Variants in SMYD3 observed in about 807,000 individuals in gnomAD.
SMYD3 encodes the protein SET and MYND domain containing 3.
SMYD3 carries 36 observed loss-of-function variants against 57.7 expected under a neutral mutation model. That is an observed-to-expected ratio of 0.62 (90% CI 0.48 to 0.82). The LOEUF (loss-of-function observed/expected upper bound fraction) is 0.82, where lower values mean the gene tolerates loss of function less well. Ranked by LOEUF, SMYD3 falls within the 40% of genes least tolerant of loss-of-function variation. The pLI, the probability that SMYD3 is intolerant of heterozygous loss-of-function variation, is 0.00. For missense variants in SMYD3, 515 were observed against 538.8 expected (o/e 0.96, Z 0.44); for synonymous variants, 211 against 195.0 (o/e 1.08, Z -0.68).
intron 2 of SMYD3, among the ~76,000 whole-genome samples, chr1:246,344,153 G>A (rs1230061444): frequency 6.6e-6 from 1 of 151,964 alleles, no homozygotes; most frequent in Non-Finnish European, 1.5e-5. Context: ...AAAGTGCTGG[G>A]ATTACATGCA....
chr1:246,136,866 T>C (rs1339283928), intron 5 of SMYD3, among the ~76,000 whole-genome samples: 1 of 152,222 alleles, frequency 6.6e-6, no homozygotes, highest in Non-Finnish European at 1.5e-5. Flanking sequence ...AGACATTTCT[T>C]AGACTTCTGC....
chr1:246,294,090 G>A (rs1480758382), intron 5 of SMYD3, among the ~76,000 whole-genome samples: 1 of 151,980 alleles, frequency 6.6e-6, no homozygotes, highest in East Asian at 1.9e-4. Context: ...CCCCTTAAAT[G>A]TTCCTGTTCC....
intron 5 of SMYD3, among the ~76,000 whole-genome samples, chr1:246,097,723 G>T (rs1397553472): frequency 6.6e-6 from 1 of 151,912 alleles, no homozygotes; most frequent in Non-Finnish European, 1.5e-5. Flanking sequence ...CTCAGACTTG[G>T]ATATCTACCT....
At chr1:246,480,345 T>C (rs1397154522) in intron 1 of SMYD3, among the ~76,000 whole-genome samples, 1 of 152,228 alleles carries the variant, frequency 6.6e-6, no homozygotes, top group Admixed American at 6.5e-5. Context: ...ACTCCATGTG[T>C]GAGTTTCTGT....
At chr1:245,856,047 T>G (rs1230751497) in intron 10 of SMYD3, among the ~76,000 whole-genome samples, 1 of 152,240 alleles carries the variant, frequency 6.6e-6, no homozygotes, top group Non-Finnish European at 1.5e-5. Context: ...GAGCACTCAG[T>G]GTGAATTCCC....
At chr1:245,814,361 C>G (rs2048667006) in intron 10 of SMYD3, 1 of 984,578 alleles carries the variant, frequency 1.0e-6, no homozygotes, top group Non-Finnish European at 1.2e-6. Flanking sequence ...CACCAGGAAT[C>G]AGGACAGATA....
At chr1:245,781,913 G>C (rs192053629) in intron 10 of SMYD3, among the ~76,000 whole-genome samples, 1 of 152,228 alleles carries the variant, frequency 6.6e-6, no homozygotes, top group South Asian at 2.1e-4. Context: ...AAGTTATAGC[G>C]AGACAAGATT....
At chr1:246,232,405 T>C (rs2063422816) in intron 5 of SMYD3, among the ~76,000 whole-genome samples, 1 of 151,994 alleles carries the variant, frequency 6.6e-6, no homozygotes. Context: ...CTGCTCCCTT[T>C]AAAGAACATA....
At chr1:246,082,541 G>T (rs557918753) in intron 5 of SMYD3, among the ~76,000 whole-genome samples, 1 of 151,940 alleles carries the variant, frequency 6.6e-6, no homozygotes, top group Non-Finnish European at 1.5e-5. Context: ...CCCCTTGCCC[G>T]CCAAACTGTC....
At chr1:246,283,904 ACTGATTT>A (rs1359357059) in intron 5 of SMYD3, among the ~76,000 whole-genome samples, 1 of 152,182 alleles carries the variant, frequency 6.6e-6, no homozygotes, top group Non-Finnish European at 1.5e-5. Flanking sequence ...CACCCTAATA[ACTGATTT>A]CAAAATAACA....
chr1:246,468,160 T>TAA (rs58291905), intron 1 of SMYD3, among the ~76,000 whole-genome samples: 59,861 of 129,740 alleles, frequency 0.46, 13,612 homozygotes, highest in Middle Eastern at 0.66. Context: ...GACTCTGTCT[T>TAA]AAAAAAAAAA....
chr1:246,367,765 TATCA>T (rs1339137900), intron 1 of SMYD3, among the ~76,000 whole-genome samples: 3 of 152,168 alleles, frequency 2.0e-5, no homozygotes, highest in Non-Finnish European at 4.4e-5. Context: ...GTGAGGAATG[TATCA>T]GTCAGAGAAA....
At chr1:245,951,617 A>G (rs559350349) in intron 5 of SMYD3, among the ~76,000 whole-genome samples, 1 of 150,010 alleles carries the variant, frequency 6.7e-6, no homozygotes, top group East Asian at 2.0e-4. Flanking sequence ...CCTACCTCCT[A>G]CGAGTCTGAC....
intron 5 of SMYD3, among the ~76,000 whole-genome samples, chr1:246,238,968 G>C (rs1474071016): frequency 1.3e-5 from 2 of 149,036 alleles, no homozygotes; most frequent in East Asian, 2.0e-4. Context: ...TGTGCAAGTA[G>C]AGATGCCTGA....
At chr1:245,955,386 G>A (rs1469641039) in intron 5 of SMYD3, among the ~76,000 whole-genome samples, 2 of 152,156 alleles carry the variant, frequency 1.3e-5, no homozygotes, top group Admixed American at 1.3e-4. Flanking sequence ...CCGCCCATGT[G>A]GTTTTATGTC....
chr1:246,383,465 A>G (rs888978760), intron 1 of SMYD3, among the ~76,000 whole-genome samples: 1 of 152,238 alleles, frequency 6.6e-6, no homozygotes, highest in African/African-American at 2.4e-5. Context: ...GGTGATTCAT[A>G]TTGCACTAAA....
At chr1:246,245,088 T>C (rs1038705905) in intron 5 of SMYD3, among the ~76,000 whole-genome samples, 3 of 149,314 alleles carry the variant, frequency 2.0e-5, no homozygotes, top group African/African-American at 4.9e-5. Context: ...CTGAACTCCA[T>C]AGAGTTCCTA....
chr1:245,938,932 A>G (rs961352158), intron 5 of SMYD3, among the ~76,000 whole-genome samples: 8 of 152,076 alleles, frequency 5.3e-5, no homozygotes, highest in African/African-American at 1.7e-4. Flanking sequence ...AATGTGAAGA[A>G]AAGAGGAGTT....
Position 246,398,102 on chromosome 1 carries a change from G to A in SMYD3, c.165-43008C>T, listed in dbSNP as rs116144009. The stretch of plus-strand genomic sequence containing the variant: ...AGGCTCTACAATAGAGACGTCATCT[G>A]TAGGAGCAATTGGAGAAGTTACAAA... On this transcript the variant is annotated intron_variant, in intron 1 of 11. Coordinates refer to ENST00000490107, the MANE Select transcript of SMYD3 (RefSeq NM_001167740.2). 8.2e-3 allele frequency among the ~76,000 whole-genome samples: 1,252 copies of A among 152,284 alleles called. 19 individuals are homozygous for A. Among genetic ancestry groups the A allele is most frequent in the African/African-American group, 0.028 (1,169 of 41,548 alleles).
Sources: gnomAD v4.1 joint callset for allele counts (sites outside exome capture counted in the v4.1 genomes callset) on GRCh38, gnomAD v4.1.1 for gene constraint, MANE v1.5 for transcripts, NCBI Gene and HGNC (gene_info 2026-07-23, HGNC 2026-07-21) for gene names.